MBP: variants seen among roughly 807,000 people sequenced by gnomAD.
MBP encodes myelin basic protein.
A neutral mutation model predicts 35.8 loss-of-function variants in MBP; 16 were observed. The ratio of observed to expected loss-of-function variants is 0.45; its 90% CI spans 0.30 to 0.68. The LOEUF (loss-of-function observed/expected upper bound fraction) is 0.68. Among genes scored for constraint, MBP ranks in the 30% least tolerant of loss-of-function variants. The probability of loss-of-function intolerance (pLI) is 0.08; values close to 1 mark genes in which losing one functional copy is unlikely to be tolerated. For synonymous variants in MBP, 143 were observed against 159.6 expected (o/e 0.90, Z 0.78); for missense variants, 380 against 404.7 (o/e 0.94, Z 0.52).
chr18:77,043,689 G>T (rs1238156781), intron 3 of MBP, among the ~76,000 whole-genome samples: 1 of 152,192 alleles, frequency 6.6e-6, no homozygotes, highest in Non-Finnish European at 1.5e-5. Context: ...TTGAACTTGC[G>T]TGCGTGCCCC....
intron 1 of MBP, among the ~76,000 whole-genome samples, chr18:77,105,957 C>T (rs148648942): frequency 1.3e-5 from 2 of 152,280 alleles, no homozygotes; most frequent in East Asian, 3.9e-4. Context: ...AGAATTGAGC[C>T]ACACCCATTC....
intron 2 of MBP, among the ~76,000 whole-genome samples, chr18:77,076,835 C>T (rs1197935985): frequency 6.6e-6 from 1 of 152,138 alleles, no homozygotes; most frequent in African/African-American, 2.4e-5. Context: ...TCCCAGACCA[C>T]AGGGACCAGT....
intron 1 of MBP, among the ~76,000 whole-genome samples, chr18:77,106,695 C>T (rs1025483095): frequency 6.6e-6 from 1 of 152,176 alleles, no homozygotes; most frequent in Non-Finnish European, 1.5e-5. Flanking sequence ...ATGATATAAA[C>T]ACAACCCACC....
rs1391080976 is a variant in MBP, at chr18:77,017,679, A to G, written c.140-411T>C. On this transcript the variant is annotated intron_variant, in intron 3 of 8. Transcript: ENST00000355994. ...TGCATAAGTTAAATATGCAAGGAGCATTTATTTGACAAAAGGTGTTTTTAG... is the reference window on the plus strand; with the variant it reads ...TGCATAAGTTAAATATGCAAGGAGCGTTTATTTGACAAAAGGTGTTTTTAG... 4 of 162,232 alleles carry G rather than the reference A, an allele frequency of 2.5e-5. No individual in the cohort carries two copies. In the Admixed American group the frequency reaches 2.6e-4, roughly 10 times the overall value. The allele number at this position is 162,232 out of a possible 1,614,324, so 10.0% of individuals were successfully genotyped here. A position where few individuals can be genotyped will look rare whatever the true frequency, so the allele number is the denominator to read the frequency against.
intron 4 of MBP, chr18:77,005,866 A>G (rs1599040238): frequency 1.3e-5 from 2 of 152,278 alleles, no homozygotes; most frequent in East Asian, 3.9e-4. Context: ...GATGACACCA[A>G]TGTTTTCAGA....
intron 3 of MBP, among the ~76,000 whole-genome samples, chr18:77,052,887 C>T (rs1483104679): frequency 1.3e-5 from 2 of 152,164 alleles, no homozygotes; most frequent in Non-Finnish European, 1.5e-5. Context: ...ACTTCAGGGG[C>T]GCTGTCCCTG....
At chr18:76,998,227 C>T (rs4890786) in intron 4 of MBP, among the ~76,000 whole-genome samples, 29,128 of 152,168 alleles carry the variant, frequency 0.19, 3,666 homozygotes, top group Admixed American at 0.3. Flanking sequence ...ACGGGCCACC[C>T]GAGGGGCCTC....
intron 4 of MBP, among the ~76,000 whole-genome samples, chr18:76,991,703 T>A (rs757799286): frequency 2.6e-5 from 4 of 152,218 alleles, no homozygotes; most frequent in Non-Finnish European, 4.4e-5. Flanking sequence ...GGAATGAATT[T>A]CTGGAGGTCA....
chr18:77,036,699 G>A (rs1334399340), intron 3 of MBP, among the ~76,000 whole-genome samples: 1 of 147,738 alleles, frequency 6.8e-6, no homozygotes, highest in Non-Finnish European at 1.5e-5. Context: ...CTGAGCAAGT[G>A]CTGGTCACAT....
intron 2 of MBP, among the ~76,000 whole-genome samples, chr18:77,076,687 T>C (rs1372188540): frequency 6.6e-6 from 1 of 152,206 alleles, no homozygotes; most frequent in African/African-American, 2.4e-5. Context: ...TTATTAAATA[T>C]ATTGGTGACC....
intron 2 of MBP, among the ~76,000 whole-genome samples, chr18:77,070,746 C>T (rs1974406774): frequency 2.0e-5 from 3 of 152,142 alleles, no homozygotes; most frequent in Non-Finnish European, 4.4e-5. Flanking sequence ...TCGAGAGGTC[C>T]ACCCTCTCCC....
chr18:76,992,322 G>A (rs1599486722), intron 4 of MBP, among the ~76,000 whole-genome samples: 1 of 152,170 alleles, frequency 6.6e-6, no homozygotes, highest in East Asian at 1.9e-4. Flanking sequence ...GCCATTCCCA[G>A]TAGGGTTTGC....
At chr18:77,021,905 C>T (rs887710739) in intron 3 of MBP, among the ~76,000 whole-genome samples, 5 of 152,086 alleles carry the variant, frequency 3.3e-5, no homozygotes, top group East Asian at 1.9e-4. Flanking sequence ...TGAGAACGCA[C>T]GGTGACACAG....
At chr18:77,011,486 C>A (rs1256768806) in intron 4 of MBP, among the ~76,000 whole-genome samples, 1 of 152,190 alleles carries the variant, frequency 6.6e-6, no homozygotes, top group Non-Finnish European at 1.5e-5. Flanking sequence ...TGGCGTGAAG[C>A]CCCTCTACTG....
chr18:77,027,524 G>A (rs141221540), intron 3 of MBP, among the ~76,000 whole-genome samples: 11 of 152,198 alleles, frequency 7.2e-5, no homozygotes, highest in Admixed American at 2.0e-4. Context: ...CCAGCTCCCC[G>A]CCCTCGGCAC....
intron 2 of MBP, among the ~76,000 whole-genome samples, chr18:77,071,951 T>C (rs1243447210): frequency 6.6e-6 from 1 of 152,154 alleles, no homozygotes; most frequent in African/African-American, 2.4e-5. Flanking sequence ...CTAAAATTCC[T>C]AGGATGTTTA....
At chr18:77,026,618 T>C (rs1259486887) in intron 3 of MBP, among the ~76,000 whole-genome samples, 1 of 152,102 alleles carries the variant, frequency 6.6e-6, no homozygotes, top group African/African-American at 2.4e-5. Context: ...TAATAAAATG[T>C]CCAAGCAGAT....
rs965546342 is a variant in MBP at position 76,979,929 on chromosome 18, G to A, written c.*498C>T. Reference sequence around the variant, plus strand: ...ACTGTCTAATCCTGTTAGGAAAAATGAAGTCTACTTTAGGAGGTGAGAGAA... The same window carrying A: ...ACTGTCTAATCCTGTTAGGAAAAATAAAGTCTACTTTAGGAGGTGAGAGAA... On this transcript the variant is annotated 3_prime_UTR_variant, in exon 9 of 9. Transcript: ENST00000355994. 8.5e-6 allele frequency: 6 copies of A among 702,026 alleles called. No individual in the cohort carries two copies. The highest frequency in any genetic ancestry group is 1.8e-5 in the African/African-American group (1 of 57,140). 43.5% of individuals were successfully genotyped at this position (702,026 alleles called of 1,614,324 possible). A position where few individuals can be genotyped will look rare whatever the true frequency, so the allele number is the denominator to read the frequency against.
chr18:77,092,086 A>T (rs2145032371), intron 2 of MBP, among the ~76,000 whole-genome samples: 1 of 152,360 alleles, frequency 6.6e-6, no homozygotes, highest in South Asian at 2.1e-4. Flanking sequence ...CCTAATAGTA[A>T]AAGCAAGCAC....
Sources: allele counts gnomAD v4.1 joint callset (sites outside exome capture counted in the v4.1 genomes callset), GRCh38; gene constraint gnomAD v4.1.1; transcripts MANE v1.5; gene names NCBI Gene and HGNC (gene_info 2026-07-23, HGNC 2026-07-21).